Variants in TAFA1 observed in about 807,000 individuals in gnomAD.
TAFA1 encodes the protein TAFA chemokine like family member 1, also known as chemokine-like protein TAFA-1.
A neutral mutation model predicts 18.5 loss-of-function variants in TAFA1; 4 were observed. The observed-to-expected ratio is 0.22, with a 90% CI of 0.11 to 0.49. TAFA1 has a LOEUF of 0.49. Among genes scored for constraint, TAFA1 ranks in the 20% least tolerant of loss-of-function variants. The pLI, the probability that TAFA1 is intolerant of heterozygous loss-of-function variation, is 0.98. For synonymous variants in TAFA1, 56 were observed against 55.2 expected, an observed-to-expected ratio of 1.01 and a Z score of -0.06; for missense variants, 147 against 169.0, an observed-to-expected ratio of 0.87 and a Z score of 0.72.
rs570791238 is a variant in TAFA1 at position 68,226,413 on chromosome 3, C to T, written c.119-190867C>T. ...TTAGGGACATCATTTTATATGCATA[C>T]GTGAATTATCAATTCAAAATATTTA... On this transcript the variant is annotated intron_variant, in intron 2 of 4. Transcript: ENST00000478136. 5.3e-5 allele frequency among the ~76,000 whole-genome samples: 8 copies of T among 152,308 alleles called. No homozygotes were observed. The South Asian group carries it at 6.2e-4, about 12-fold the overall frequency.
intron 2 of TAFA1, among the ~76,000 whole-genome samples, chr3:68,164,838 G>C (rs1379508560): frequency 6.6e-6 from 1 of 152,098 alleles, no homozygotes; most frequent in African/African-American, 2.4e-5. Flanking sequence ...TACACATTTA[G>C]TGGCTGTATA....
intron 3 of TAFA1, among the ~76,000 whole-genome samples, chr3:68,502,808 GACACAAA>G (rs1281404304): frequency 1.3e-5 from 2 of 152,050 alleles, no homozygotes; most frequent in Non-Finnish European, 2.9e-5. Context: ...CCCCACAAAA[GACACAAA>G]ACCAAGCATT....
At chr3:68,080,031 C>T (rs1476387010) in intron 2 of TAFA1, among the ~76,000 whole-genome samples, 7 of 151,960 alleles carry the variant, frequency 4.6e-5, no homozygotes, top group Non-Finnish European at 8.8e-5. Flanking sequence ...GGATAGTTAG[C>T]TCTTCTTGTT....
chr3:68,395,660 C>T (rs944464419), intron 2 of TAFA1, among the ~76,000 whole-genome samples: 2 of 152,132 alleles, frequency 1.3e-5, no homozygotes, highest in African/African-American at 4.8e-5. Flanking sequence ...TTTGCAGGGA[C>T]ATGGATGAAG....
At chr3:68,007,274 T>C (rs1704374607) in intron 2 of TAFA1, among the ~76,000 whole-genome samples, 1 of 152,250 alleles carries the variant, frequency 6.6e-6, no homozygotes, top group Non-Finnish European at 1.5e-5. Context: ...GTGGCATTTT[T>C]CCCTCTCTTT....
chr3:68,432,523 AC>A (rs2071196746), intron 3 of TAFA1, among the ~76,000 whole-genome samples: 1 of 152,088 alleles, frequency 6.6e-6, no homozygotes, highest in South Asian at 2.1e-4. Context: ...TTGCTTGTGC[AC>A]CTTTTCCTCA....
intron 2 of TAFA1, among the ~76,000 whole-genome samples, chr3:68,360,532 G>A (rs1235550704): frequency 1.3e-5 from 2 of 151,874 alleles, no homozygotes; most frequent in African/African-American, 2.4e-5. Flanking sequence ...GCGGCTACTC[G>A]GTGGTTATGT....
At chr3:68,245,247 G>A (rs528527239) in intron 2 of TAFA1, among the ~76,000 whole-genome samples, 3 of 152,218 alleles carry the variant, frequency 2.0e-5, no homozygotes, top group East Asian at 3.9e-4. Context: ...CAGTAGTTAC[G>A]GCCTGAGCAT....
chr3:68,520,119 C>A (rs950533872), intron 3 of TAFA1, among the ~76,000 whole-genome samples: 4 of 152,058 alleles, frequency 2.6e-5, no homozygotes, highest in Admixed American at 2.0e-4. Flanking sequence ...GTTGTCGTCT[C>A]AGAAAGTAAA....
intron 3 of TAFA1, among the ~76,000 whole-genome samples, chr3:68,423,987 C>A (rs2106816876): frequency 6.6e-6 from 1 of 152,018 alleles, no homozygotes; most frequent in East Asian, 1.9e-4. Context: ...GGATCACCAG[C>A]AAGAGAAAGT....
intron 3 of TAFA1, among the ~76,000 whole-genome samples, chr3:68,507,249 A>T (rs560765935): frequency 6.6e-6 from 1 of 152,204 alleles, no homozygotes; most frequent in South Asian, 2.1e-4. Flanking sequence ...CTAAAACTAA[A>T]CTAAAGATGA....
intron 2 of TAFA1, among the ~76,000 whole-genome samples, chr3:68,089,421 GATTA>G: frequency 6.6e-6 from 1 of 152,292 alleles, no homozygotes; most frequent in African/African-American, 2.4e-5. Flanking sequence ...ACAGATTGGT[GATTA>G]ATTAGTTAAT....
intron 3 of TAFA1, among the ~76,000 whole-genome samples, chr3:68,527,184 A>T (rs1176884259): frequency 6.6e-6 from 1 of 152,238 alleles, no homozygotes; most frequent in Non-Finnish European, 1.5e-5. Context: ...ATTTACAAAT[A>T]GAATCAGGGA....
intron 2 of TAFA1, among the ~76,000 whole-genome samples, chr3:68,113,604 A>G (rs920905631): frequency 5.3e-5 from 8 of 152,320 alleles, no homozygotes; most frequent in African/African-American, 1.7e-4. Flanking sequence ...ACGAAAATAG[A>G]AAGGTTCTCA....
At chr3:68,460,357 T>G (rs535042180) in intron 3 of TAFA1, among the ~76,000 whole-genome samples, 1 of 152,226 alleles carries the variant, frequency 6.6e-6, no homozygotes, top group African/African-American at 2.4e-5. Flanking sequence ...GGAGATTTTG[T>G]TTTTTTCTTC....
chr3:68,119,611 C>T (rs545138107), intron 2 of TAFA1, among the ~76,000 whole-genome samples: 6 of 151,700 alleles, frequency 4.0e-5, no homozygotes, highest in Non-Finnish European at 8.8e-5. Flanking sequence ...CCAGTTTTCT[C>T]AACACTATTT....
intron 2 of TAFA1, among the ~76,000 whole-genome samples, chr3:68,025,205 T>G (rs1704788745): frequency 6.6e-6 from 1 of 152,148 alleles, no homozygotes; most frequent in Admixed American, 6.6e-5. Flanking sequence ...TACATTCCAT[T>G]CTTCTCAGAT....
intron 3 of TAFA1, among the ~76,000 whole-genome samples, chr3:68,532,203 G>A (rs191494465): frequency 2.0e-5 from 3 of 152,146 alleles, no homozygotes; most frequent in Admixed American, 2.0e-4. Context: ...AGCACCCTGA[G>A]GTTATAGAAA....
intron 3 of TAFA1, among the ~76,000 whole-genome samples, chr3:68,525,437 A>T (rs1226067641): frequency 6.6e-6 from 1 of 152,222 alleles, no homozygotes; most frequent in Non-Finnish European, 1.5e-5. Flanking sequence ...AGCATAGAGC[A>T]GGTGGTCTAT....
Sources: gnomAD v4.1 joint callset for allele counts (sites outside exome capture counted in the v4.1 genomes callset) on GRCh38, gnomAD v4.1.1 for gene constraint, MANE v1.5 for transcripts, NCBI Gene and HGNC (gene_info 2026-07-23, HGNC 2026-07-21) for gene names.